The following FHOD3 variants were observed in gnomAD, a reference collection of about 807,000 sequenced individuals.
FHOD3 encodes formin homology 2 domain containing 3.
In FHOD3, 90 loss-of-function variants were observed where a neutral mutation model predicts 173.0. That is an observed-to-expected ratio of 0.52 (90% confidence interval 0.44 to 0.62). FHOD3 has a LOEUF of 0.62. Ranked by LOEUF, FHOD3 falls within the 20% of genes least tolerant of loss-of-function variation. The pLI is 0.00. For missense variants in FHOD3, 1,945 were observed against 2,034.7 expected (o/e 0.96, Z 0.85); for synonymous variants, 828 against 823.0 (o/e 1.01, Z -0.10).
chr18:36,492,257 A>C (rs2054509674), intron 3 of FHOD3, among the ~76,000 whole-genome samples: 1 of 152,056 alleles, frequency 6.6e-6, no homozygotes, highest in African/African-American at 2.4e-5. Flanking sequence ...ATGTCACCTC[A>C]TCTGAACCTC....
Position 36,779,933 on chromosome 18 carries a change from A to C in FHOD3, c.*403A>C, listed in dbSNP as rs1018756307. 4 of 430,162 alleles carry C rather than the reference A, an allele frequency of 9.3e-6. No individual in the cohort carries two copies. The highest frequency in any genetic ancestry group is 8.1e-5 in the African/African-American group (4 of 49,482). The allele number at this position is 430,162 out of a possible 1,614,324, so 26.6% of individuals were successfully genotyped here. On this transcript the variant is annotated 3_prime_UTR_variant, in exon 29 of 29. Transcript: ENST00000590592. ...CCAAAATATCCAGATGTAAACCCCA[A>C]ACTTGTACACAAAAGAAAGCACAGA...
rs372273615 is a variant in FHOD3, at chr18:36,399,961, T to G, written c.337+27217T>G. On this transcript the variant is annotated intron_variant, in intron 3 of 28. Coordinates refer to ENST00000590592, the MANE Select transcript of FHOD3 (RefSeq NM_001281740.3). ...CTTTGCTCCTTCTGAATCATAGAGT[T>G]CCTTCATTCACTGGGTGAAAATAAA... Among the ~76,000 whole-genome samples the G allele has an allele frequency of 3.9e-5, 6 of 152,284 alleles. No individual in the cohort carries two copies. In the East Asian group the frequency reaches 5.8e-4, roughly 15 times the overall value.
Position 36,760,674 on chromosome 18 carries a change from G to T in FHOD3, c.4516G>T (p.Asp1506Tyr). The T allele has an allele frequency of 2.5e-6, 4 of 1,613,342 alleles. No individual in the cohort carries two copies. Among genetic ancestry groups the T allele is most frequent in the Non-Finnish European group, 3.4e-6 (4 of 1,180,022 alleles). ...SQPQGLSYAE[D>Y]AAEHENMKAV... Reference sequence around the variant, plus strand: ...GCCGCAGGGTCTGAGCTATGCGGAGGACGCGGCTGAGCACGAGAACATGAA... The same window carrying T: ...GCCGCAGGGTCTGAGCTATGCGGAGTACGCGGCTGAGCACGAGAACATGAA... The change falls in exon 27 of 29, where the codon GAC becomes TAC. Residue 1506 changes from aspartate to tyrosine, a missense_variant. Physicochemically the swap from Asp to Tyr is radical, Grantham distance 160. Transcript: ENST00000590592.
intron 1 of FHOD3, among the ~76,000 whole-genome samples, chr18:36,332,396 A>T (rs1403161729): frequency 6.6e-6 from 1 of 152,136 alleles, no homozygotes; most frequent in Non-Finnish European, 1.5e-5. Flanking sequence ...GCCTAGAGGG[A>T]AGGAGACATG....
intron 13 of FHOD3, among the ~76,000 whole-genome samples, chr18:36,656,138 T>A (rs528742497): frequency 6.6e-6 from 1 of 152,284 alleles, no homozygotes; most frequent in East Asian, 1.9e-4. Flanking sequence ...CTCCTTCCCC[T>A]CCCTCATTGC....
At chr18:36,366,328 A>C (rs1211385155) in intron 2 of FHOD3, among the ~76,000 whole-genome samples, 2 of 152,182 alleles carry the variant, frequency 1.3e-5, no homozygotes, top group Non-Finnish European at 2.9e-5. Flanking sequence ...AAGTGAGAAT[A>C]TTCAGACATT....
intron 1 of FHOD3, among the ~76,000 whole-genome samples, chr18:36,338,341 G>A (rs1021981266): frequency 1.3e-5 from 2 of 152,172 alleles, no homozygotes; most frequent in African/African-American, 4.8e-5. Flanking sequence ...CCCTGGGGCT[G>A]CTGTAAAGGA....
intron 10 of FHOD3, among the ~76,000 whole-genome samples, chr18:36,629,479 GCCAACC>G (rs1446168760): frequency 2.0e-5 from 3 of 152,236 alleles, no homozygotes; most frequent in African/African-American, 7.2e-5. Flanking sequence ...GCTGTAGTTT[GCCAACC>G]CCTGTCCCAA....
At chr18:36,533,336 T>C (rs898303137) in intron 5 of FHOD3, among the ~76,000 whole-genome samples, 4 of 152,248 alleles carry the variant, frequency 2.6e-5, no homozygotes, top group African/African-American at 9.6e-5. Flanking sequence ...TCTGCCCTAC[T>C]ACTAACACAG....
At chr18:36,517,615 C>G (rs2056061811) in intron 5 of FHOD3, among the ~76,000 whole-genome samples, 2 of 152,202 alleles carry the variant, frequency 1.3e-5, no homozygotes, top group Admixed American at 1.3e-4. Context: ...TTGGTCATTT[C>G]ATCTAAACCA....
At chr18:36,682,099 A>G (rs1380886502) in intron 15 of FHOD3, among the ~76,000 whole-genome samples, 1 of 152,260 alleles carries the variant, frequency 6.6e-6, no homozygotes. Flanking sequence ...TACAGCTTCA[A>G]GGATGTGTTC....
rs1352751028 is a variant in FHOD3, at chr18:36,558,664, CA to C, written c.512-17782del. On this transcript the variant is annotated intron_variant, in intron 5 of 28. Coordinates refer to ENST00000590592, the MANE Select transcript of FHOD3 (RefSeq NM_001281740.3). The stretch of plus-strand genomic sequence containing the variant: ...GAAATTAGAAGGAATCTATGTTTAT[CA>C]AAAAGGAGAGGGGTTAAGATCAAGG... 3.9e-5 allele frequency among the ~76,000 whole-genome samples: 6 copies of C among 151,966 alleles called. No homozygotes were observed. The South Asian group carries it at 1.2e-3, about 32-fold the overall frequency.
At chr18:36,482,468 G>A (rs963829559) in intron 3 of FHOD3, among the ~76,000 whole-genome samples, 1 of 152,122 alleles carries the variant, frequency 6.6e-6, no homozygotes, top group Non-Finnish European at 1.5e-5. Flanking sequence ...GCCCCGCAAG[G>A]CATGATTGCT....
Position 36,709,381 on chromosome 18 carries a change from C to A in FHOD3, c.2523C>A (p.Asp841Glu). The A allele has an allele frequency of 6.2e-7, 1 of 1,612,508 alleles. No homozygotes were observed. The highest frequency in any genetic ancestry group is 8.5e-7 in the Non-Finnish European group (1 of 1,178,988). The change falls in exon 18 of 29, where the codon GAC becomes GAA. Residue 841 changes from aspartate to glutamate, a missense_variant. Transcript: ENST00000590592. ...REEKEDKLSR[D>E]RTTGLWPAGV... ...AGAAGGAGGACAAGCTCTCCAGGGA[C>A]AGGACAACTGGTAAATGAAGCCCCT...
Position 36,740,775 on chromosome 18 carries a change from C to T in FHOD3, c.3696C>T (p.Ile1232=). 6.2e-7 allele frequency: 1 copy of T among 1,614,132 alleles called. No individual in the cohort carries two copies. The highest frequency in any genetic ancestry group is 1.1e-5 in the South Asian group (1 of 91,070). The stretch of plus-strand genomic sequence containing the variant: ...AGTTCCTCCTCACCCTGTCCTCCAT[C>T]AGCGAGCTCTCTGCACGACTTCACC... The part of the protein sequence containing the change: ...AEQFLLTLSS[I]SELSARLHLW... Residue 1232 remains isoleucine, a synonymous_variant, in exon 21 of 29, where the codon ATC becomes ATT. Coordinates refer to ENST00000590592, the MANE Select transcript of FHOD3 (RefSeq NM_001281740.3).
chr18:36,372,558 G>A, intron 2 of FHOD3, 122 bp from the exon 3 acceptor site: 2 of 664,912 alleles, frequency 3.0e-6, no homozygotes, highest in South Asian at 3.8e-5. Context: ...ATTCAGTGTG[G>A]GTCTCTGCTT....
At chr18:36,479,903 C>T (rs2053787549) in intron 3 of FHOD3, among the ~76,000 whole-genome samples, 3 of 152,204 alleles carry the variant, frequency 2.0e-5, no homozygotes, top group African/African-American at 7.2e-5. Flanking sequence ...ATTCTTCCCA[C>T]AGTTCTTCCT....
At chr18:36,639,777 C>T (rs532856089) in intron 10 of FHOD3, among the ~76,000 whole-genome samples, 174 of 150,288 alleles carry the variant, frequency 1.2e-3, no homozygotes, top group African/African-American at 4.1e-3. Context: ...GAGCCGAGAT[C>T]GTGCCAGCAA....
At chr18:36,707,745 C>T (rs969461433) in intron 17 of FHOD3, among the ~76,000 whole-genome samples, 2 of 152,160 alleles carry the variant, frequency 1.3e-5, no homozygotes, top group Non-Finnish European at 2.9e-5. Context: ...TACCTGGTGC[C>T]GCAGGATGCC....
Sources: allele counts gnomAD v4.1 joint callset (sites outside exome capture counted in the v4.1 genomes callset), GRCh38; gene constraint gnomAD v4.1.1; transcripts MANE v1.5; gene names NCBI Gene and HGNC (gene_info 2026-07-23, HGNC 2026-07-21).